AFF1: variants seen among roughly 807,000 people sequenced by gnomAD.
AFF1 encodes ALF transcription elongation factor 1.
Under a neutral mutation model 121.7 loss-of-function variants are expected in AFF1, and 48 were observed. The ratio of observed to expected loss-of-function variants is 0.39; its 90% CI spans 0.31 to 0.50. AFF1 has a LOEUF of 0.50. Ranked by LOEUF, AFF1 falls within the 20% of genes least tolerant of loss-of-function variation. The pLI, the probability that AFF1 is intolerant of heterozygous loss-of-function variation, is 0.76. For missense variants in AFF1, 1,523 were observed against 1,511.7 expected (o/e 1.01, Z -0.12); for synonymous variants, 613 against 563.0 (o/e 1.09, Z -1.26).
chr4:87,008,443 A>T (rs966140780), intron 2 of AFF1, among the ~76,000 whole-genome samples: 3 of 152,106 alleles, frequency 2.0e-5, no homozygotes, highest in Non-Finnish European at 4.4e-5. Context: ...TGTATAAAGT[A>T]CCTCCTATGT....
intron 2 of AFF1, among the ~76,000 whole-genome samples, chr4:87,043,803 ATAATT>A (rs1216714914): frequency 6.7e-6 from 1 of 148,826 alleles, no homozygotes; most frequent in Non-Finnish European, 1.5e-5. Flanking sequence ...GTCTAAGAAG[ATAATT>A]TTTTCTTTCT....
At position 87,079,945 on chromosome 4, in the gene AFF1, G is replaced by A. The variant is rs547619311; in HGVS notation, c.1060-4175G>A. ...CTACCTCCCAAGCTAATAATGGTGC[G>A]TCGTACAATTGATGGTACCAAATTG... On this transcript the variant is annotated intron_variant, in intron 4 of 20. Transcript: ENST00000395146. 1.9e-4 allele frequency among the ~76,000 whole-genome samples: 29 copies of A among 152,290 alleles called. No individual in the cohort carries two copies. The South Asian group carries it at 5.6e-3, about 29-fold the overall frequency.
intron 2 of AFF1, among the ~76,000 whole-genome samples, chr4:86,994,242 C>T (rs1048577133): frequency 2.4e-4 from 36 of 152,348 alleles, no homozygotes; most frequent in African/African-American, 7.9e-4. Flanking sequence ...GTTGCTAATT[C>T]GACTTCCTGA....
At chr4:87,091,981 T>C (rs892133377) in intron 7 of AFF1, 152 bp downstream of exon 7, 6 of 660,060 alleles carry the variant, frequency 9.1e-6, no homozygotes, top group Non-Finnish European at 1.6e-5. Flanking sequence ...AACTATTCTT[T>C]ATGTGGGATT....
chr4:87,104,898 A>G (rs755712041), intron 8 of AFF1, among the ~76,000 whole-genome samples: 1 of 152,188 alleles, frequency 6.6e-6, no homozygotes, highest in Non-Finnish European at 1.5e-5. Context: ...AATAGCAATA[A>G]GGTTAAACAT....
At chr4:86,967,929 T>C (rs1158219266) in intron 2 of AFF1, among the ~76,000 whole-genome samples, 1 of 152,182 alleles carries the variant, frequency 6.6e-6, no homozygotes, top group Admixed American at 6.5e-5. Context: ...ATCACAGTTG[T>C]GCATGAGATT....
At chr4:87,072,970 G>A (rs1022055463) in intron 4 of AFF1, among the ~76,000 whole-genome samples, 3 of 151,922 alleles carry the variant, frequency 2.0e-5, no homozygotes, top group African/African-American at 7.3e-5. Context: ...GAAGTCTGAT[G>A]TAGTTTGTGT....
chr4:87,127,749 TA>T (rs768380497), intron 16 of AFF1, 46 bp downstream of exon 16: 13 of 1,600,676 alleles, frequency 8.1e-6, no homozygotes, highest in South Asian at 3.3e-5. Flanking sequence ...TTTCTGATAG[TA>T]AAAAAAATTT....
intron 2 of AFF1, chr4:86,949,802 C>G (rs2149451853): frequency 1.2e-6 from 2 of 1,613,968 alleles, no homozygotes; most frequent in Non-Finnish European, 1.7e-6. Flanking sequence ...CACTGGGAGA[C>G]ACTGCGTCAT....
chr4:86,951,374 A>AC (rs1303473172), intron 2 of AFF1, among the ~76,000 whole-genome samples: 1 of 16,920 alleles, frequency 5.9e-5, no homozygotes, highest in Non-Finnish European at 1.3e-4. Context: ...ACTTGATGTC[A>AC]CAAAAAAAAA....
chr4:86,946,176 C>CT (rs1212757650), intron 1 of AFF1, among the ~76,000 whole-genome samples: 1 of 152,100 alleles, frequency 6.6e-6, no homozygotes, highest in Non-Finnish European at 1.5e-5. Flanking sequence ...TTGCTCCTCA[C>CT]TTTAAGTCTT....
chr4:87,068,856 G>T (rs1418845945), intron 4 of AFF1, among the ~76,000 whole-genome samples: 1 of 152,188 alleles, frequency 6.6e-6, no homozygotes, highest in African/African-American at 2.4e-5. Context: ...GCACCGATTA[G>T]GGCTGGCAAG....
chr4:87,009,653 A>T (rs553296528), intron 2 of AFF1, among the ~76,000 whole-genome samples: 1 of 152,222 alleles, frequency 6.6e-6, no homozygotes, highest in African/African-American at 2.4e-5. Context: ...ATGTGGTCCA[A>T]GCTCATTCAG....
chr4:86,981,319 C>T (rs1254542679), intron 2 of AFF1, among the ~76,000 whole-genome samples: 3 of 152,104 alleles, frequency 2.0e-5, no homozygotes, highest in Admixed American at 2.0e-4. Context: ...GTAGGCAGGC[C>T]TTGCTTTGTA....
At chr4:87,018,884 G>A (rs556094202) in intron 2 of AFF1, among the ~76,000 whole-genome samples, 1 of 152,318 alleles carries the variant, frequency 6.6e-6, no homozygotes, top group Non-Finnish European at 1.5e-5. Context: ...TTCTTTGGGA[G>A]CCATCAAATA....
intron 4 of AFF1, among the ~76,000 whole-genome samples, chr4:87,059,650 G>A (rs751107305): frequency 3.3e-5 from 5 of 152,172 alleles, no homozygotes; most frequent in Non-Finnish European, 7.3e-5. Context: ...CAGAAAGCCA[G>A]ATGTGTCCAT....
At chr4:86,974,710 GT>G (rs1723173148) in intron 2 of AFF1, among the ~76,000 whole-genome samples, 1 of 152,180 alleles carries the variant, frequency 6.6e-6, no homozygotes, top group African/African-American at 2.4e-5. Context: ...AAAGGCCAGT[GT>G]TGTGAAATCA....
intron 2 of AFF1, among the ~76,000 whole-genome samples, chr4:87,025,331 T>G (rs1275532731): frequency 1.3e-5 from 2 of 152,218 alleles, no homozygotes; most frequent in African/African-American, 4.8e-5. Context: ...AACTTTTTGG[T>G]ACAATTCTCA....
At chr4:87,081,631 T>C (rs897980847) in intron 4 of AFF1, among the ~76,000 whole-genome samples, 1 of 152,214 alleles carries the variant, frequency 6.6e-6, no homozygotes, top group Non-Finnish European at 1.5e-5. Context: ...TTATTTGCCA[T>C]GGGAAACAGT....
Sources: allele counts gnomAD v4.1 joint callset (sites outside exome capture counted in the v4.1 genomes callset), GRCh38; gene constraint gnomAD v4.1.1; transcripts MANE v1.5; gene names NCBI Gene and HGNC (gene_info 2026-07-23, HGNC 2026-07-21).